SLC31A2: variants seen among roughly 807,000 people sequenced by gnomAD.
SLC31A2 encodes the protein protein SLC31A2.
In SLC31A2, 16 loss-of-function variants were observed where a neutral mutation model predicts 14.4. The ratio of observed to expected loss-of-function variants is 1.11; its 90% CI spans 0.75 to 1.69. The LOEUF is 1.69. Ranked by LOEUF, SLC31A2 falls within the 40% of genes most tolerant of loss-of-function variation. The probability of loss-of-function intolerance (pLI) is 0.00; values close to 1 mark genes in which losing one functional copy is unlikely to be tolerated. For missense variants in SLC31A2, 140 were observed against 173.9 expected (o/e 0.81, Z 1.10); for synonymous variants, 56 against 68.7 (o/e 0.82, Z 0.91).
chr9:113,157,219 G>C (rs536291085), intron 1 of SLC31A2, among the ~76,000 whole-genome samples: 85 of 152,338 alleles, frequency 5.6e-4, no homozygotes, highest in African/African-American at 1.9e-3. Flanking sequence ...AATGTATAGT[G>C]AATGAGTAGG....
intron 2 of SLC31A2, among the ~76,000 whole-genome samples, chr9:113,160,590 C>G (rs1252909943): frequency 6.6e-6 from 1 of 152,198 alleles, no homozygotes. Context: ...TTCCTTCTAT[C>G]TAAACTGCAT....
chr9:113,156,134 C>T (rs1192803600), intron 1 of SLC31A2: 1 of 518,360 alleles, frequency 1.9e-6, no homozygotes, highest in Non-Finnish European at 3.8e-6. Flanking sequence ...ACCTTTCCAC[C>T]CCCACACTGA....
At chr9:113,154,376 G>T (rs1042950760) in intron 1 of SLC31A2, among the ~76,000 whole-genome samples, 1 of 152,196 alleles carries the variant, frequency 6.6e-6, no homozygotes, top group African/African-American at 2.4e-5. Context: ...GTTCCTGGCA[G>T]AGCTGGGAGG....
rs1829856291 is a variant in SLC31A2 at position 113,151,047 on chromosome 9, G to A, written c.-28G>A. 2 of 1,304,518 alleles carry A rather than the reference G, an allele frequency of 1.5e-6. No individual in the cohort carries two copies. Among genetic ancestry groups the A allele is most frequent in the Non-Finnish European group, 2.0e-6 (2 of 1,020,416 alleles). The allele number at this position is 1,304,518 out of a possible 1,614,324, so 80.8% of individuals were successfully genotyped here. On this transcript the variant is annotated 5_prime_UTR_variant, in exon 1 of 4. Coordinates refer to ENST00000259392, the MANE Select transcript of SLC31A2 (RefSeq NM_001860.3). This position sits in a 1 kb window ranked among gnomAD's most constrained non-coding sequence, Gnocchi z 4.2. Reference sequence around the variant, plus strand: ...GAGGAGACCCGAGCGAGCAGACGCGGCCCTGGCGCCCGCCCTGCGCACTCA... The same window carrying A: ...GAGGAGACCCGAGCGAGCAGACGCGACCCTGGCGCCCGCCCTGCGCACTCA...
At position 113,160,158 on chromosome 9, in the gene SLC31A2, C is replaced by T. The variant is rs566517380; in HGVS notation, c.74-1351C>T. On this transcript the variant is annotated intron_variant, in intron 2 of 3. Transcript: ENST00000259392. ...TGGAGGTTGCAGTGAGCCAAGATTG[C>T]GCCACTGCACTCCAGCCTGGGCAAC... Among the ~76,000 whole-genome samples, 347 of 151,910 alleles carry T rather than the reference C, an allele frequency of 2.3e-3. 1 individual carries two copies. Among genetic ancestry groups the T allele is most frequent in the Non-Finnish European group, 3.5e-3 (237 of 67,930 alleles).
chr9:113,161,333 A>G, intron 2 of SLC31A2, 176 bp from the exon 3 acceptor site: 1 of 634,432 alleles, frequency 1.6e-6, no homozygotes. Context: ...TCTCAAAGCC[A>G]CACTCCAGCT....
chr9:113,159,519 C>A (rs1030111241), intron 2 of SLC31A2, among the ~76,000 whole-genome samples: 6 of 152,168 alleles, frequency 3.9e-5, no homozygotes, highest in African/African-American at 1.4e-4. Flanking sequence ...TAAAAACCTG[C>A]ATCTGTCAGA....
chr9:113,158,628 G>A (rs1053372715), intron 2 of SLC31A2, among the ~76,000 whole-genome samples: 1 of 152,274 alleles, frequency 6.6e-6, no homozygotes, highest in African/African-American at 2.4e-5. Context: ...TGGAGTTGTT[G>A]GCTGAACACC....
At position 113,163,267 on chromosome 9, in the gene SLC31A2, G is replaced by A. The variant is rs1481992179; in HGVS notation, c.*350G>A. The A allele has an allele frequency of 4.7e-5, 8 of 168,780 alleles. No individual in the cohort carries two copies. The East Asian group carries it at 1.2e-3, about 25-fold the overall frequency. The allele number at this position is 168,780 out of a possible 1,614,324, so 10.5% of individuals were successfully genotyped here. A position where few individuals can be genotyped will look rare whatever the true frequency, so the allele number is the denominator to read the frequency against. On this transcript the variant is annotated 3_prime_UTR_variant, in exon 4 of 4. Transcript: ENST00000259392. ...CCAAAGATTTCAAGCCAGGGAGAAG[G>A]GTTCTTGGTGATGCAGGGCATGGAA...
At chr9:113,161,847 A>G in intron 3 of SLC31A2, 149 bp downstream of exon 3, 1 of 811,522 alleles carries the variant, frequency 1.2e-6, no homozygotes, top group Non-Finnish European at 2.1e-6. Context: ...CACATAGCCA[A>G]GTGAACTAGA....
At chr9:113,152,293 G>C (rs1326270714) in intron 1 of SLC31A2, 1 of 152,296 alleles carries the variant, frequency 6.6e-6, no homozygotes, top group Admixed American at 6.5e-5. Flanking sequence ...CCTGCCCCTT[G>C]CCTATCTGAC....
chr9:113,161,258 G>C (rs982989471), intron 2 of SLC31A2: 12 of 497,218 alleles, frequency 2.4e-5, no homozygotes, highest in African/African-American at 1.6e-4. Flanking sequence ...GGGAGTGGGT[G>C]GGGTAATGGT....
chr9:113,161,769 G>A (rs756430896), intron 3 of SLC31A2, 71 bp downstream of exon 3: 14 of 1,525,344 alleles, frequency 9.2e-6, no homozygotes, highest in Middle Eastern at 1.7e-4. Context: ...GGCCCAGACA[G>A]CATTAGCCCC....
chr9:113,160,103 G>A (rs1260605298), intron 2 of SLC31A2, among the ~76,000 whole-genome samples: 6 of 152,156 alleles, frequency 3.9e-5, no homozygotes, highest in African/African-American at 1.4e-4. Context: ...CTTGAATCCT[G>A]AGGCAAGATA....
Position 113,162,905 on chromosome 9 carries a change from C to T in SLC31A2, c.420C>T (p.Leu140=). 1 of 1,610,156 alleles carries T rather than the reference C, an allele frequency of 6.2e-7. No individual in the cohort carries two copies. The highest frequency in any genetic ancestry group is 2.2e-5 in the East Asian group (1 of 44,664). ...AVGYYLAYPL[L]STA ...GCTACTACCTAGCTTACCCACTTCT[C>T]AGCACAGCTTAGCTGGTGAGGAACG... The change falls in exon 4 of 4, where the codon CTC becomes CTT. Residue 140 remains leucine, a synonymous_variant. Coordinates refer to ENST00000259392, the MANE Select transcript of SLC31A2 (RefSeq NM_001860.3).
intron 1 of SLC31A2, chr9:113,156,140 A>ACTGACGTT (rs1190191577): frequency 3.9e-6 from 2 of 518,138 alleles, no homozygotes; most frequent in Admixed American, 3.9e-5. Context: ...CCACCCCCAC[A>ACTGACGTT]CTGACGTTTG....
At chr9:113,162,507 C>T (rs569802413) in intron 3 of SLC31A2, 2 of 364,880 alleles carry the variant, frequency 5.5e-6, no homozygotes, top group South Asian at 9.1e-5. Flanking sequence ...TCCCCTTTGC[C>T]TAGGATGCCA....
chr9:113,162,478 A>G (rs906800300), intron 3 of SLC31A2: 2 of 327,658 alleles, frequency 6.1e-6, no homozygotes, highest in African/African-American at 4.4e-5. Flanking sequence ...AGAAAGACAG[A>G]TTATAGATAC....
At chr9:113,157,252 C>T (rs1054633668) in intron 1 of SLC31A2, among the ~76,000 whole-genome samples, 15 of 152,332 alleles carry the variant, frequency 9.8e-5, no homozygotes, top group African/African-American at 3.4e-4. Flanking sequence ...ACAGTGAAGA[C>T]AGCTGCCTCT....
Sources: gnomAD v4.1 joint callset for allele counts (sites outside exome capture counted in the v4.1 genomes callset) on GRCh38, gnomAD v4.1.1 for gene constraint, Gnocchi (gnomAD v3.1) non-coding constraint, MANE v1.5 for transcripts, NCBI Gene and HGNC (gene_info 2026-07-23, HGNC 2026-07-21) for gene names.